CDK14: variants seen among roughly 807,000 people sequenced by gnomAD.
CDK14 encodes cyclin dependent kinase 14, also known as cyclin-dependent kinase 14.
In CDK14, 34 loss-of-function variants were observed where a neutral mutation model predicts 60.7. The observed-to-expected ratio is 0.56, with a 90% confidence interval of 0.43 to 0.75. The LOEUF is 0.75. CDK14 is among the 30% of genes least tolerant of loss of function. CDK14 has a pLI of 0.00. For missense variants in CDK14, 482 were observed against 564.1 expected, an observed-to-expected ratio of 0.85 and a Z score of 1.47; for synonymous variants, 197 against 203.7, an observed-to-expected ratio of 0.97 and a Z score of 0.28.
chr7:91,040,436 C>T (rs745929622), intron 10 of CDK14, among the ~76,000 whole-genome samples: 3 of 152,216 alleles, frequency 2.0e-5, no homozygotes, highest in Middle Eastern at 3.4e-3. Context: ...CTTCCAGATC[C>T]GAAAGTAGTA....
rs1454086640 is a variant in CDK14, at chr7:90,937,857, C to T, written c.827-17840C>T. 3.9e-5 allele frequency among the ~76,000 whole-genome samples: 6 copies of T among 152,198 alleles called. No homozygotes were observed. The East Asian group carries it at 1.2e-3, about 29-fold the overall frequency. On this transcript the variant is annotated intron_variant, in intron 8 of 14. Coordinates refer to ENST00000380050, the MANE Select transcript of CDK14 (RefSeq NM_001287135.2). ...TGAGCTGGTAATAAAGCATTTGGTT[C>T]AGTGAGATTTTCAAAGGAAAAATAG...
At chr7:91,162,385 G>A (rs1349864720) in intron 14 of CDK14, among the ~76,000 whole-genome samples, 3 of 152,194 alleles carry the variant, frequency 2.0e-5, no homozygotes, top group Non-Finnish European at 4.4e-5. Context: ...TGGGAATGGG[G>A]AAGGTGGGAG....
intron 14 of CDK14, among the ~76,000 whole-genome samples, chr7:91,175,080 G>A (rs997628604): frequency 1.4e-5 from 2 of 146,058 alleles, no homozygotes; most frequent in East Asian, 2.0e-4. Flanking sequence ...ACCCTCAAAG[G>A]GAAGCCCATC....
chr7:90,851,267 C>G (rs1329773516), intron 5 of CDK14, among the ~76,000 whole-genome samples: 1 of 152,048 alleles, frequency 6.6e-6, no homozygotes, highest in Non-Finnish European at 1.5e-5. Context: ...AGGGTTATTT[C>G]AGTTGTGCAT....
chr7:90,638,630 A>T (rs1296848347), intron 2 of CDK14, among the ~76,000 whole-genome samples: 1 of 151,942 alleles, frequency 6.6e-6, no homozygotes, highest in Non-Finnish European at 1.5e-5. Context: ...CTTCTCCAGG[A>T]GTATCTTTGT....
chr7:90,813,201 C>A (rs984712683), intron 5 of CDK14, among the ~76,000 whole-genome samples: 1 of 152,152 alleles, frequency 6.6e-6, no homozygotes, highest in Non-Finnish European at 1.5e-5. Flanking sequence ...CTTGCTCTGT[C>A]GCCCAGGCTG....
intron 2 of CDK14, among the ~76,000 whole-genome samples, chr7:90,674,498 C>A (rs1173873907): frequency 1.3e-5 from 2 of 152,150 alleles, no homozygotes; most frequent in Non-Finnish European, 2.9e-5. Context: ...TAGATATGTT[C>A]ATTGTGAGAA....
intron 2 of CDK14, among the ~76,000 whole-genome samples, chr7:90,711,709 A>G (rs1227603309): frequency 6.6e-6 from 1 of 151,944 alleles, no homozygotes. Flanking sequence ...TTGTGTTAGT[A>G]TTTTCCCCTG....
chr7:90,628,236 C>A (rs569455768), intron 2 of CDK14, among the ~76,000 whole-genome samples: 2 of 152,276 alleles, frequency 1.3e-5, no homozygotes, highest in South Asian at 4.1e-4. Context: ...GGATTACAGG[C>A]GTGAGCCACC....
intron 14 of CDK14, among the ~76,000 whole-genome samples, chr7:91,158,074 CATTAATTAT>C (rs1801038673): frequency 1.5e-5 from 1 of 64,874 alleles, no homozygotes; most frequent in African/African-American, 3.5e-5. Context: ...ATATTATATA[CATTAATTAT>C]ATACATTAAA....
rs979431869 is a variant in CDK14 at position 90,656,215 on chromosome 7, G to A, written c.123+51966G>A. Among the ~76,000 whole-genome samples, 7 of 151,982 alleles carry A rather than the reference G, an allele frequency of 4.6e-5. No homozygotes were observed. In the East Asian group the frequency reaches 5.8e-4, roughly 13 times the overall value. ...GTATATTAATATCTTGAACGTGAAAGCATTTGAGTTACAATGGGGAATGTT... is the reference window on the plus strand; with the variant it reads ...GTATATTAATATCTTGAACGTGAAAACATTTGAGTTACAATGGGGAATGTT... On this transcript the variant is annotated intron_variant, in intron 2 of 14. Coordinates refer to ENST00000380050, the MANE Select transcript of CDK14 (RefSeq NM_001287135.2).
intron 10 of CDK14, among the ~76,000 whole-genome samples, chr7:90,989,402 A>G (rs1584204009): frequency 6.6e-6 from 1 of 152,162 alleles, no homozygotes. Flanking sequence ...CTGCCATACT[A>G]CTTCAGCAGT....
intron 2 of CDK14, among the ~76,000 whole-genome samples, chr7:90,700,219 G>T (rs1801752049): frequency 6.6e-6 from 1 of 152,090 alleles, no homozygotes; most frequent in Non-Finnish European, 1.5e-5. Flanking sequence ...TTAGCCTCCC[G>T]AGTAGCTGGG....
chr7:90,808,685 A>T (rs573682733), intron 5 of CDK14, among the ~76,000 whole-genome samples: 3 of 152,306 alleles, frequency 2.0e-5, no homozygotes, highest in Admixed American at 2.0e-4. Context: ...TTGGATAAAG[A>T]GTCAAGACCC....
At chr7:90,606,154 C>T (rs1021218237) in intron 2 of CDK14, among the ~76,000 whole-genome samples, 2 of 152,160 alleles carry the variant, frequency 1.3e-5, no homozygotes, top group African/African-American at 4.8e-5. Context: ...CCCACTCCAT[C>T]ATTACACAGA....
At chr7:90,661,294 A>G (rs1276352200) in intron 2 of CDK14, among the ~76,000 whole-genome samples, 1 of 152,216 alleles carries the variant, frequency 6.6e-6, no homozygotes, top group African/African-American at 2.4e-5. Flanking sequence ...CTATTTTAGA[A>G]GTGTGTTGAG....
chr7:90,930,474 T>C lies in CDK14; in HGVS notation c.826+12750T>C, dbSNP rs540437374. On this transcript the variant is annotated intron_variant, in intron 8 of 14. Transcript: ENST00000380050. ...GTGAATGACATGTCTGTGGTCTGCCTTGGATATGGGTGATATGGGCATCTG... is the reference window on the plus strand; with the variant it reads ...GTGAATGACATGTCTGTGGTCTGCCCTGGATATGGGTGATATGGGCATCTG... Among the ~76,000 whole-genome samples, 434 of 151,772 alleles carry C rather than the reference T, an allele frequency of 2.9e-3. 6 individuals carry two copies. Among genetic ancestry groups the C allele is most frequent in the African/African-American group, 0.01 (416 of 41,354 alleles).
At chr7:90,962,100 G>C (rs1051602968) in intron 9 of CDK14, among the ~76,000 whole-genome samples, 4 of 152,142 alleles carry the variant, frequency 2.6e-5, no homozygotes, top group Non-Finnish European at 5.9e-5. Flanking sequence ...TCTCATATTA[G>C]GTTATTGTGG....
At chr7:90,870,720 G>T (rs1306315340) in intron 6 of CDK14, among the ~76,000 whole-genome samples, 1 of 152,076 alleles carries the variant, frequency 6.6e-6, no homozygotes, top group Non-Finnish European at 1.5e-5. Flanking sequence ...TATAATGTTT[G>T]GGAAATCATC....
Sources: allele counts gnomAD v4.1 joint callset (sites outside exome capture counted in the v4.1 genomes callset), GRCh38; gene constraint gnomAD v4.1.1; transcripts MANE v1.5; gene names NCBI Gene and HGNC (gene_info 2026-07-23, HGNC 2026-07-21).